Variants in AKIRIN2 observed in about 807,000 individuals in gnomAD.
AKIRIN2 encodes the protein akirin-2.
Under a neutral mutation model 29.3 loss-of-function variants are expected in AKIRIN2, and 6 were observed. The ratio of observed to expected loss-of-function variants is 0.20; its 90% CI spans 0.11 to 0.40. The LOEUF is 0.40. Among genes scored for constraint, AKIRIN2 ranks in the 10% least tolerant of loss-of-function variants. The pLI, the probability that AKIRIN2 is intolerant of heterozygous loss-of-function variation, is 1.00. For missense variants in AKIRIN2, 210 were observed against 276.1 expected (o/e 0.76, Z 1.70); for synonymous variants, 128 against 117.5 (o/e 1.09, Z -0.58).
Position 87,681,758 on chromosome 6 carries a change from T to C in AKIRIN2, c.241A>G (p.Ile81Val), listed in dbSNP as rs1276565551. The change falls in exon 2 of 5, where the codon ATT (isoleucine) becomes GTT (valine). Residue 81 changes from isoleucine to valine, a missense_variant. Around this residue, in one of 2 missense-constraint regions of AKIRIN2, gnomAD observed 199 missense variants for 236.5 expected, o/e 0.84. Coordinates refer to ENST00000257787, the MANE Select transcript of AKIRIN2 (RefSeq NM_018064.4). ...TACTCTTGTTTTATGTTGTACAGAATTTGTTCTAAAATAAAAAAGTTAAAA... is the reference window on the plus strand; with the variant it reads ...TACTCTTGTTTTATGTTGTACAGAACTTGTTCTAAAATAAAAAAGTTAAAA... ...DVSSRLTTEQ[I>V]LYNIKQEYKR... 1 of 1,575,754 alleles carries C rather than the reference T, an allele frequency of 6.3e-7. No individual in the cohort carries two copies.
chr6:87,684,785 C>G (rs1045860525), intron 1 of AKIRIN2, among the ~76,000 whole-genome samples: 28 of 152,132 alleles, frequency 1.8e-4, no homozygotes, highest in African/African-American at 5.8e-4. Flanking sequence ...TGTTAATGGA[C>G]ATTTAGGCTG....
At chr6:87,689,304 C>A (rs1196932228) in intron 1 of AKIRIN2, among the ~76,000 whole-genome samples, 1 of 152,194 alleles carries the variant, frequency 6.6e-6, no homozygotes, top group Non-Finnish European at 1.5e-5. Flanking sequence ...GAGTTCGAGA[C>A]CTGCCTGGCC....
At chr6:87,688,217 C>G (rs1771222133) in intron 1 of AKIRIN2, among the ~76,000 whole-genome samples, 1 of 152,086 alleles carries the variant, frequency 6.6e-6, no homozygotes, top group Admixed American at 6.5e-5. Flanking sequence ...CTGTAACCTC[C>G]ACCTCCTGGG....
At position 87,701,757 on chromosome 6, in the gene AKIRIN2, G is replaced by T; in HGVS notation, c.-73C>A. 1 of 1,141,312 alleles carries T rather than the reference G, an allele frequency of 8.8e-7. No homozygotes were observed. The highest frequency in any genetic ancestry group is 1.2e-6 in the Non-Finnish European group (1 of 856,528). The allele number at this position is 1,141,312 out of a possible 1,614,324, so 70.7% of individuals were successfully genotyped here. A position where few individuals can be genotyped will look rare whatever the true frequency, so the allele number is the denominator to read the frequency against. On this transcript the variant is annotated 5_prime_UTR_variant, in exon 1 of 5. Coordinates refer to ENST00000257787, the MANE Select transcript of AKIRIN2 (RefSeq NM_018064.4). ...TGACGAAAGAAGAGGGTGAGGGAAG[G>T]GGTGAAGAGCGGGAACTCGAGGAGA...
intron 1 of AKIRIN2, among the ~76,000 whole-genome samples, chr6:87,700,034 CTTTT>C (rs147307376): frequency 6.7e-6 from 1 of 148,168 alleles, no homozygotes; most frequent in Admixed American, 6.8e-5. Flanking sequence ...TGGCTGTTTC[CTTTT>C]TTTTTTCCCA....
At chr6:87,675,812 A>G (rs1306940932) in intron 4 of AKIRIN2, 48 bp downstream of exon 4, 8 of 1,542,302 alleles carry the variant, frequency 5.2e-6, no homozygotes, top group Non-Finnish European at 6.2e-6. Flanking sequence ...CTTCTCCTTA[A>G]AAGACAGTCT....
intron 1 of AKIRIN2, among the ~76,000 whole-genome samples, chr6:87,687,081 G>A (rs1016356577): frequency 6.7e-6 from 1 of 148,372 alleles, no homozygotes; most frequent in African/African-American, 2.5e-5. Context: ...AAGTCTGCCA[G>A]TTCTAGTCAG....
At chr6:87,677,787 C>T in intron 3 of AKIRIN2, 31 bp downstream of exon 3, 1 of 1,600,838 alleles carries the variant, frequency 6.2e-7, no homozygotes, top group Non-Finnish European at 8.5e-7. Context: ...CAACTGAGTT[C>T]CTCAGAAACT....
chr6:87,676,075 T>C, intron 3 of AKIRIN2, 144 bp from the exon 4 acceptor site: 2 of 642,002 alleles, frequency 3.1e-6, no homozygotes, highest in Non-Finnish European at 5.3e-6. Context: ...GTGTATCAAA[T>C]AAAAACAGCA....
At chr6:87,683,904 G>A (rs901765922) in intron 1 of AKIRIN2, among the ~76,000 whole-genome samples, 4 of 151,994 alleles carry the variant, frequency 2.6e-5, no homozygotes, top group Non-Finnish European at 4.4e-5. Context: ...CACCCTCCTC[G>A]GTCTCCCAAA....
In AKIRIN2 at chr6:87,701,925, G is replaced by A; in HGVS notation, c.-241C>T. 1 of 412,136 alleles carries A rather than the reference G, an allele frequency of 2.4e-6. No homozygotes were observed. Among genetic ancestry groups the A allele is most frequent in the Non-Finnish European group, 4.3e-6 (1 of 233,482 alleles). 25.5% of individuals were successfully genotyped at this position (412,136 alleles called of 1,614,324 possible). A position where few individuals can be genotyped will look rare whatever the true frequency, so the allele number is the denominator to read the frequency against. On this transcript the variant is annotated 5_prime_UTR_variant, in exon 1 of 5. Coordinates refer to ENST00000257787, the MANE Select transcript of AKIRIN2 (RefSeq NM_018064.4). The stretch of plus-strand genomic sequence containing the variant: ...GCGGGAGGGGCGGTGGCGGGCAGAA[G>A]CACACGCCAGTCGCGTCAGGGGGGT...
chr6:87,679,174 A>G (rs902934902), intron 2 of AKIRIN2, among the ~76,000 whole-genome samples: 2 of 152,002 alleles, frequency 1.3e-5, no homozygotes, highest in Non-Finnish European at 2.9e-5. Context: ...TGTTGGCACA[A>G]TAAATTTTTA....
chr6:87,698,309 G>C (rs753737371), intron 1 of AKIRIN2, among the ~76,000 whole-genome samples: 2 of 151,130 alleles, frequency 1.3e-5, no homozygotes, highest in Non-Finnish European at 2.9e-5. Flanking sequence ...TGGAGTTTTC[G>C]GGGCAATATA....
At chr6:87,678,345 T>TAA (rs111760102) in intron 2 of AKIRIN2, among the ~76,000 whole-genome samples, 4 of 151,194 alleles carry the variant, frequency 2.6e-5, no homozygotes, top group African/African-American at 9.7e-5. Context: ...TAAAAATACA[T>TAA]AAAAAAATTA....
rs1770960833 is a variant in AKIRIN2, at chr6:87,675,745, T to C, written c.601+115A>G. 6.2e-6 allele frequency: 9 copies of C among 1,449,682 alleles called. No individual in the cohort carries two copies. In the South Asian group the frequency reaches 9.5e-5, roughly 15 times the overall value. 89.8% of individuals were successfully genotyped at this position (1,449,682 alleles called of 1,614,324 possible). On this transcript the variant is annotated intron_variant, in intron 4 of 4. Transcript: ENST00000257787. Reference sequence around the variant, plus strand: ...AAAGTTATGCTGCCTATTTCCTCCATACATTCTCAGTAATTTTGTTGAATT... The same window carrying C: ...AAAGTTATGCTGCCTATTTCCTCCACACATTCTCAGTAATTTTGTTGAATT...
At chr6:87,696,309 T>C (rs915235430) in intron 1 of AKIRIN2, among the ~76,000 whole-genome samples, 5 of 152,216 alleles carry the variant, frequency 3.3e-5, no homozygotes, top group Non-Finnish European at 5.9e-5. Context: ...CCATAGTGAA[T>C]AGTACCTTCC....
In AKIRIN2 at chr6:87,677,964, G is replaced by A; in HGVS notation, c.383C>T (p.Thr128Ile). The change falls in exon 3 of 5, where the codon ACT (threonine) becomes ATT (isoleucine). Residue 128 changes from threonine (T) to isoleucine (I), a missense_variant. By Grantham distance (89) the Thr-to-Ile change is moderately conservative. This residue lies in a region of AKIRIN2 where 199 missense variants were observed against 236.5 expected (regional missense o/e 0.84). Transcript: ENST00000257787. The stretch of plus-strand genomic sequence containing the variant: ...TAATGGTGAGGATGCTGCAGATGAA[G>A]TCCCTATGTACAATGAGGACAAAAA... The part of the protein sequence containing the change: ...FLLSGPASPG[T>I]SSAASSPLKK... The A allele has an allele frequency of 1.2e-6, 2 of 1,613,318 alleles. No homozygotes were observed.
chr6:87,701,143 G>A (rs1475966499), intron 1 of AKIRIN2, among the ~76,000 whole-genome samples: 1 of 151,910 alleles, frequency 6.6e-6, no homozygotes, highest in Non-Finnish European at 1.5e-5. Flanking sequence ...TGGGGCTCCA[G>A]CGACTACGGA....
chr6:87,700,635 G>A (rs994982802), intron 1 of AKIRIN2: 1 of 152,272 alleles, frequency 6.6e-6, no homozygotes, highest in Non-Finnish European at 1.5e-5. Flanking sequence ...TGGAATCTTG[G>A]GTTGATTTCT....
Sources: gnomAD v4.1 joint callset for allele counts (sites outside exome capture counted in the v4.1 genomes callset) on GRCh38, gnomAD v4.1.1 for gene constraint, gnomAD v4.1.1 regional missense constraint, MANE v1.5 for transcripts, NCBI Gene and HGNC (gene_info 2026-07-23, HGNC 2026-07-21) for gene names.